PTER: variants seen among roughly 807,000 people sequenced by gnomAD.
The protein encoded by PTER is N-acetyltaurine hydrolase.
A neutral mutation model predicts 29.6 loss-of-function variants in PTER; 38 were observed. That is an observed-to-expected ratio of 1.28 (90% CI 0.99 to 1.68). The LOEUF is 1.68. PTER is among the 40% of genes most tolerant of loss of function. The pLI is 0.00. For missense variants in PTER, 482 were observed against 427.8 expected (o/e 1.13, Z -1.12); for synonymous variants, 172 against 154.5 (o/e 1.11, Z -0.84).
downstream of PTER, chr10:16,514,774 A>C: frequency 8.3e-7 from 1 of 1,205,612 alleles, no homozygotes; most frequent in Non-Finnish European, 1.2e-6. Context: ...TTTGCCATTC[A>C]TGTAGCATCA....
chr10:16,498,443 TGTG>T (rs1192283918), intron 3 of PTER, among the ~76,000 whole-genome samples: 2 of 151,940 alleles, frequency 1.3e-5, no homozygotes, highest in Non-Finnish European at 2.9e-5. Flanking sequence ...ATTAGCTGGG[TGTG>T]GTGGTGGGCA....
Position 16,511,136 on chromosome 10 carries a change from T to G in PTER, c.930T>G (p.Gly310=). 1 of 1,614,024 alleles carries G rather than the reference T, an allele frequency of 6.2e-7. No homozygotes were observed. The highest frequency in any genetic ancestry group is 8.5e-7 in the Non-Finnish European group (1 of 1,179,988). The part of the protein sequence containing the change: ...HTKTRLMKYG[G]HGYSHILTNV... The stretch of plus-strand genomic sequence containing the variant: ...AAACCCGGCTGATGAAATATGGAGG[T>G]CACGGCTATTCTCATATACTCACCA... Residue 310 remains glycine, a synonymous_variant, in exon 5 of 5, where the codon GGT becomes GGG. Transcript: ENST00000535784.
intron 1 of PTER, among the ~76,000 whole-genome samples, chr10:16,466,509 C>T (rs1454593790): frequency 6.6e-6 from 1 of 152,202 alleles, no homozygotes; most frequent in Non-Finnish European, 1.5e-5. Context: ...GCATGGGCCA[C>T]CACGCCCAGC....
rs575641723 is a variant in PTER at position 16,473,636 on chromosome 10, C to T, written c.-48-10701C>T. On this transcript the variant is annotated intron_variant, in intron 1 of 4. Transcript: ENST00000535784. ...TCCGCATCTTTTTCTTCGTCTCTGG[C>T]CGAATGCTGTAAACGCTCATAAATA... 5.9e-5 allele frequency among the ~76,000 whole-genome samples: 9 copies of T among 151,470 alleles called. No homozygotes were observed. The East Asian group carries it at 1.6e-3, about 26-fold the overall frequency.
chr10:16,475,644 C>T (rs1309931255), intron 1 of PTER, among the ~76,000 whole-genome samples: 1 of 152,164 alleles, frequency 6.6e-6, no homozygotes, highest in Non-Finnish European at 1.5e-5. Context: ...TTGGAATGCA[C>T]TGAAGGTCAT....
In PTER at chr10:16,486,407, A is replaced by T. The variant is rs755815527; in HGVS notation, c.488A>T (p.Lys163Met). The change falls in exon 3 of 5, where the codon AAG (lysine) becomes ATG (methionine). Residue 163 changes from lysine to methionine, a missense_variant. Lys to Met is a moderately conservative substitution (Grantham distance 95). Coordinates refer to ENST00000535784, the MANE Select transcript of PTER (RefSeq NM_001261836.2). Reference protein sequence around the residue: ...ILHGADGTSIKCGIIGEIGCS... With the variant: ...ILHGADGTSIMCGIIGEIGCS... ...CATGGAGCTGATGGAACCAGTATCAAGTGTGGCATTATTGGAGAAATTGGT... is the reference window on the plus strand; with the variant it reads ...CATGGAGCTGATGGAACCAGTATCATGTGTGGCATTATTGGAGAAATTGGT... The T allele has an allele frequency of 6.2e-6, 10 of 1,613,922 alleles. No homozygotes were observed. The highest frequency in any genetic ancestry group is 2.2e-5 in the South Asian group (2 of 91,072).
chr10:16,480,479 A>T (rs1457969833), intron 1 of PTER, among the ~76,000 whole-genome samples: 1 of 152,150 alleles, frequency 6.6e-6, no homozygotes, highest in African/African-American at 2.4e-5. Context: ...TACAGGTGTG[A>T]GCCACTGTGC....
downstream of PTER, chr10:16,514,327 CA>C (rs1417528345): frequency 4.8e-5 from 28 of 585,484 alleles, no homozygotes; most frequent in Non-Finnish European, 6.9e-5. Context: ...TAGTGGATCA[CA>C]CATCTGCTTA....
intron 1 of PTER, among the ~76,000 whole-genome samples, chr10:16,463,635 C>G (rs530627294): frequency 1.3e-5 from 2 of 152,128 alleles, no homozygotes; most frequent in East Asian, 3.9e-4. Flanking sequence ...AGGCTGGTCT[C>G]GAACTCCTGA....
intron 1 of PTER, 67 bp from the exon 2 acceptor site, chr10:16,484,270 C>T (rs892923742): frequency 3.4e-5 from 36 of 1,073,768 alleles, no homozygotes; most frequent in Middle Eastern, 2.2e-4. Context: ...CCACCCCTTA[C>T]GGACAAGAGT....
intron 1 of PTER, among the ~76,000 whole-genome samples, chr10:16,462,735 T>A (rs1834662948): frequency 6.6e-6 from 1 of 152,054 alleles, no homozygotes; most frequent in South Asian, 2.1e-4. Flanking sequence ...CATGCCTGGC[T>A]AATTTTTGTA....
intron 1 of PTER, among the ~76,000 whole-genome samples, chr10:16,477,304 A>ATAGATAGATAGATGTC (rs150732442): frequency 2.6e-5 from 4 of 151,474 alleles, no homozygotes; most frequent in African/African-American, 9.7e-5. Flanking sequence ...AGATAGATGG[A>ATAGATAGATAGATGTC]TGTCTGTCTG....
rs1458644399 is a variant in PTER at position 16,505,110 on chromosome 10, C to G, written c.789C>G (p.Tyr263Ter). The stretch of plus-strand genomic sequence containing the variant: ...TCTTTGGTACTGAACTACTTCATTA[C>G]CAACTCGGCCCAGATATTGACATGC... ...YDLFGTELLH[Y>*]QLGPDIDMPD... Residue 263 changes from tyrosine to a stop codon, truncating the protein, a stop_gained, in exon 4 of 5, where the codon TAC becomes TAG. Coordinates refer to ENST00000535784, the MANE Select transcript of PTER (RefSeq NM_001261836.2). LOFTEE classifies it high-confidence loss of function. 1.9e-6 allele frequency: 3 copies of G among 1,613,876 alleles called. No individual in the cohort carries two copies. The highest frequency in any genetic ancestry group is 8.5e-7 in the Non-Finnish European group (1 of 1,179,940).
chr10:16,452,798 G>A (rs534190139), intron 1 of PTER, among the ~76,000 whole-genome samples: 20 of 151,874 alleles, frequency 1.3e-4, no homozygotes, highest in African/African-American at 4.8e-4. Flanking sequence ...TGTCACCCAG[G>A]CTGGAGTGCA....
chr10:16,464,508 C>T (rs1024691115), intron 1 of PTER, among the ~76,000 whole-genome samples: 1 of 152,174 alleles, frequency 6.6e-6, no homozygotes, highest in African/African-American at 2.4e-5. Flanking sequence ...TCTCTGGTTT[C>T]TCCAGCTTTC....
intron 1 of PTER, among the ~76,000 whole-genome samples, chr10:16,469,479 C>G (rs1185325418): frequency 6.6e-6 from 1 of 151,658 alleles, no homozygotes; most frequent in Non-Finnish European, 1.5e-5. Flanking sequence ...GATGGTGGTT[C>G]CTACTAAGAT....
At chr10:16,514,799 G>T, downstream of PTER, 1 of 911,176 alleles carries the variant, frequency 1.1e-6, no homozygotes, top group Non-Finnish European at 1.7e-6. Flanking sequence ...CTGACTTGCT[G>T]CCATAGTACA....
intron 1 of PTER, among the ~76,000 whole-genome samples, chr10:16,447,101 C>CTTTT (rs71374690): frequency 2.4e-5 from 3 of 124,622 alleles, no homozygotes; most frequent in South Asian, 2.7e-4. Context: ...TTTTTCTTTT[C>CTTTT]TTTTTTTTTT....
At chr10:16,485,952 GA>G (rs1017465735) in intron 2 of PTER, among the ~76,000 whole-genome samples, 17 of 152,036 alleles carry the variant, frequency 1.1e-4, no homozygotes, top group African/African-American at 4.1e-4. Context: ...AAAGAAGAAA[GA>G]AAAAGAATGA....
Sources: allele counts gnomAD v4.1 joint callset (sites outside exome capture counted in the v4.1 genomes callset), GRCh38; gene constraint gnomAD v4.1.1; transcripts MANE v1.5; gene names NCBI Gene and HGNC (gene_info 2026-07-23, HGNC 2026-07-21).